Variants in FANCB observed in about 807,000 individuals in gnomAD.
FANCB encodes the protein Fanconi anemia group B protein.
Under a neutral mutation model 38.9 loss-of-function variants are expected in FANCB, and 5 were observed. That is an observed-to-expected ratio of 0.13 (90% CI 0.07 to 0.27). FANCB has a LOEUF of 0.27. FANCB is among the 10% of genes least tolerant of loss of function. FANCB has a pLI of 1.00. For missense variants in FANCB, 573 were observed against 602.7 expected (o/e 0.95, Z 0.52); for synonymous variants, 236 against 215.4 (o/e 1.10, Z -0.84).
the FANCB span, among the ~76,000 whole-genome samples, chrX:14,807,085 C>T: frequency 8.9e-6 from 1 of 111,877 alleles, no homozygotes; most frequent in Non-Finnish European, 1.9e-5. Context: ...GCTAGAAATT[C>T]AGGAAACTAA....
chrX:14,774,488 T>C, the FANCB span, among the ~76,000 whole-genome samples: 1 of 111,913 alleles, frequency 8.9e-6, no homozygotes, highest in Non-Finnish European at 1.9e-5. Context: ...TAGGGACAAT[T>C]GGGTAGCCTT....
At chrX:14,842,522 T>C (rs895500647), downstream of FANCB, among the ~76,000 whole-genome samples, 2 of 112,063 alleles carry the variant, frequency 1.8e-5, no homozygotes, top group Admixed American at 1.9e-4. Context: ...CGTCTTTTTC[T>C]TTCTCCTGAC....
the FANCB span, among the ~76,000 whole-genome samples, chrX:14,727,310 T>C: frequency 8.9e-6 from 1 of 112,039 alleles, no homozygotes; most frequent in Non-Finnish European, 1.9e-5. Flanking sequence ...ATTATTGGCA[T>C]GAGGTCCCTG....
At chrX:14,819,528 GA>G in the FANCB span, among the ~76,000 whole-genome samples, 17 of 111,775 alleles carry the variant, frequency 1.5e-4, no homozygotes, top group African/African-American at 5.2e-4. Context: ...ATAGGATACA[GA>G]AAAACAGCCC....
chrX:14,773,806 C>T, the FANCB span, among the ~76,000 whole-genome samples: 1 of 111,772 alleles, frequency 8.9e-6, no homozygotes, highest in African/African-American at 3.3e-5. Context: ...CTGGTACCTT[C>T]TCCATGAAGT....
At chrX:14,750,241 G>A in the FANCB span, among the ~76,000 whole-genome samples, 1 of 111,872 alleles carries the variant, frequency 8.9e-6, no homozygotes, top group East Asian at 2.8e-4. Context: ...CTTCCCTGGT[G>A]TATTAGTTAA....
At chrX:14,768,248 G>A in the FANCB span, among the ~76,000 whole-genome samples, 2 of 111,694 alleles carry the variant, frequency 1.8e-5, no homozygotes, top group East Asian at 2.8e-4. Flanking sequence ...AATTACTTTG[G>A]GCAGTATAGC....
At chrX:14,691,292 T>A in the FANCB span, among the ~76,000 whole-genome samples, 3 of 101,644 alleles carry the variant, frequency 3.0e-5, no homozygotes, top group African/African-American at 7.7e-5. Flanking sequence ...TGTGTGTGTG[T>A]GTGTGTGTGT....
At chrX:14,706,782 T>C in the FANCB span, among the ~76,000 whole-genome samples, 2 of 112,209 alleles carry the variant, frequency 1.8e-5, no homozygotes, top group African/African-American at 6.5e-5. Flanking sequence ...TTAACAAGAT[T>C]GAACAGTGCA....
At chrX:14,736,274 CT>C in the FANCB span, among the ~76,000 whole-genome samples, 1 of 110,032 alleles carries the variant, frequency 9.1e-6, no homozygotes, top group Non-Finnish European at 1.9e-5. Context: ...CCAGGCACCA[CT>C]GGGGTATGAA....
At chrX:14,786,151 G>C in the FANCB span, among the ~76,000 whole-genome samples, 1 of 111,144 alleles carries the variant, frequency 9.0e-6, no homozygotes, top group Non-Finnish European at 1.9e-5. Flanking sequence ...CTAGTCAAAG[G>C]CTGTGGCTTT....
At chrX:14,850,730 C>CAA in intron 6 of FANCB, 56 bp from the exon 7 acceptor site, 1 of 705,908 alleles carries the variant, frequency 1.4e-6, no homozygotes, top group Non-Finnish European at 2.0e-6. Flanking sequence ...TGTAGCAAAA[C>CAA]TAAAAAAAAA....
At chrX:14,789,296 C>T in the FANCB span, among the ~76,000 whole-genome samples, 63 of 110,894 alleles carry the variant, frequency 5.7e-4, no homozygotes, top group African/African-American at 2.0e-3. Flanking sequence ...ATGTTATTTT[C>T]TCAGAAAGAA....
intron 3 of FANCB, among the ~76,000 whole-genome samples, chrX:14,861,483 T>C (rs1257693745): frequency 4.5e-5 from 5 of 111,554 alleles, no homozygotes; most frequent in Admixed American, 2.9e-4. Context: ...AAAGAATAGA[T>C]GGATGGATGG....
At chrX:14,781,888 A>G in the FANCB span, among the ~76,000 whole-genome samples, 1 of 112,369 alleles carries the variant, frequency 8.9e-6, no homozygotes, top group African/African-American at 3.2e-5. Context: ...CTCAGAAGAA[A>G]GCCAATATCC....
At chrX:14,716,080 C>A in the FANCB span, among the ~76,000 whole-genome samples, 1 of 111,281 alleles carries the variant, frequency 9.0e-6, no homozygotes, top group Admixed American at 9.6e-5. Context: ...GAAGCTGACC[C>A]TGTCAGAAGG....
chrX:14,714,183 A>G, the FANCB span, among the ~76,000 whole-genome samples: 1 of 110,743 alleles, frequency 9.0e-6, no homozygotes, highest in East Asian at 2.8e-4. Flanking sequence ...TAGAATATTC[A>G]GACTTTCCAC....
exon 11 of FANCB, chrX:14,835,976 C>T (rs777002426): frequency 1.8e-5 from 2 of 112,282 alleles, no homozygotes; most frequent in South Asian, 3.6e-4. Context: ...TGCACACCCA[C>T]GTTTATTGCA....
At chrX:14,690,914 A>G in the FANCB span, 297 of 1,149,910 alleles carry the variant, frequency 2.6e-4, 3 homozygotes, top group South Asian at 3.9e-3. Context: ...TAGCTAGGCA[A>G]TGTAATTCAG....
Sources: gnomAD v4.1 joint callset for allele counts (sites outside exome capture counted in the v4.1 genomes callset) on GRCh38, gnomAD v4.1.1 for gene constraint, MANE v1.5 for transcripts, NCBI Gene and HGNC (gene_info 2026-07-23, HGNC 2026-07-21) for gene names.